GALNT14: variants seen among roughly 807,000 people sequenced by gnomAD.
GALNT14 encodes the protein polypeptide N-acetylgalactosaminyltransferase 14.
In GALNT14, 60 loss-of-function variants were observed where a neutral mutation model predicts 77.5. The observed-to-expected ratio is 0.77, with a 90% confidence interval of 0.63 to 0.96. The LOEUF (loss-of-function observed/expected upper bound fraction) is 0.96, where lower values mean the gene tolerates loss of function less well. Among genes scored for constraint, GALNT14 ranks in the 40% least tolerant of loss-of-function variants. The pLI is 0.00. For synonymous variants in GALNT14, 280 were observed against 281.7 expected (o/e 0.99, Z 0.06); for missense variants, 710 against 731.0 (o/e 0.97, Z 0.33).
chr2:31,004,769 C>T (rs1670565273), intron 1 of GALNT14, among the ~76,000 whole-genome samples: 1 of 152,178 alleles, frequency 6.6e-6, no homozygotes, highest in African/African-American at 2.4e-5. Context: ...GCTCTCCCTC[C>T]AAAAGCCAGG....
intron 1 of GALNT14, among the ~76,000 whole-genome samples, chr2:31,110,246 C>T (rs548503069): frequency 6.6e-6 from 1 of 152,278 alleles, no homozygotes; most frequent in African/African-American, 2.4e-5. Context: ...AGAGAGCACA[C>T]AGCTTCCTCC....
chr2:30,922,765 C>T (rs1217167622), intron 13 of GALNT14, among the ~76,000 whole-genome samples: 1 of 152,240 alleles, frequency 6.6e-6, no homozygotes, highest in Non-Finnish European at 1.5e-5. Context: ...CTTATTTTTA[C>T]ATTAGGCCCT....
intron 1 of GALNT14, among the ~76,000 whole-genome samples, chr2:31,102,832 T>C (rs1677345792): frequency 1.3e-5 from 2 of 152,168 alleles, no homozygotes; most frequent in Non-Finnish European, 1.5e-5. Flanking sequence ...TTTTTTTCAT[T>C]GTGATATGTA....
In GALNT14 at chr2:30,943,212, A is replaced by G. The variant is rs892110973; in HGVS notation, c.828-908T>C. ...CCCTAGCAAACTCACACACCCTCAT[A>G]TTTTTTTCCTTTTCTTCGTCCCAGT... On this transcript the variant is annotated intron_variant, in intron 8 of 14. Coordinates refer to ENST00000349752, the MANE Select transcript of GALNT14 (RefSeq NM_024572.4). Among the ~76,000 whole-genome samples the G allele has an allele frequency of 7.2e-5, 11 of 152,004 alleles. 1 individual carries two copies. Among genetic ancestry groups the G allele is most frequent in the Admixed American group, 6.6e-4 (10 of 15,264 alleles).
intron 3 of GALNT14, among the ~76,000 whole-genome samples, chr2:30,965,428 G>A (rs1211701984): frequency 6.7e-6 from 1 of 150,296 alleles, no homozygotes; most frequent in African/African-American, 2.4e-5. Flanking sequence ...AGGGAGAAGA[G>A]GACAGATGAC....
At chr2:30,903,644 T>C in the GALNT14 span, among the ~76,000 whole-genome samples, 1 of 152,202 alleles carries the variant, frequency 6.6e-6, no homozygotes, top group Non-Finnish European at 1.5e-5. Flanking sequence ...ACTGTGACCC[T>C]GGCCAACGCT....
intron 1 of GALNT14, among the ~76,000 whole-genome samples, chr2:31,118,322 A>T (rs1678219682): frequency 1.3e-5 from 2 of 152,232 alleles, no homozygotes; most frequent in Non-Finnish European, 2.9e-5. Context: ...GTACCAAAAA[A>T]AACTATAAAC....
At chr2:31,062,572 T>C (rs184360212) in intron 1 of GALNT14, among the ~76,000 whole-genome samples, 109 of 152,358 alleles carry the variant, frequency 7.2e-4, no homozygotes, top group African/African-American at 2.6e-3. Flanking sequence ...TTTGGGTATA[T>C]ACCCAGTAAA....
chr2:31,123,139 A>C (rs935301061), intron 1 of GALNT14, among the ~76,000 whole-genome samples: 16 of 135,830 alleles, frequency 1.2e-4, no homozygotes, highest in African/African-American at 2.2e-4. Flanking sequence ...CCGAGGTGGC[A>C]CCACTGCACT....
intron 1 of GALNT14, among the ~76,000 whole-genome samples, chr2:31,128,254 G>A (rs1373048851): frequency 6.6e-6 from 1 of 152,012 alleles, no homozygotes; most frequent in East Asian, 1.9e-4. Flanking sequence ...ACAGAACTGA[G>A]GAGTTGTCCA....
At chr2:30,945,070 G>A in intron 7 of GALNT14, 128 bp from the exon 8 acceptor site, 1 of 687,180 alleles carries the variant, frequency 1.5e-6, no homozygotes, top group Non-Finnish European at 2.3e-6. Context: ...CGGTCCCTGG[G>A]ATTGCAGGTT....
intron 3 of GALNT14, among the ~76,000 whole-genome samples, chr2:30,963,896 G>T (rs1021661823): frequency 6.6e-6 from 1 of 152,184 alleles, no homozygotes; most frequent in Non-Finnish European, 1.5e-5. Context: ...CACTAAGTAC[G>T]ATTAGTATTC....
intron 1 of GALNT14, among the ~76,000 whole-genome samples, chr2:31,023,167 AAAAAC>A (rs141944121): frequency 4.0e-4 from 25 of 61,846 alleles, no homozygotes; most frequent in African/African-American, 9.7e-4. Context: ...AAACAAAAAC[AAAAAC>A]AAAAACAAAA....
chr2:31,073,212 G>C (rs770162169), intron 1 of GALNT14: 1 of 152,148 alleles, frequency 6.6e-6, no homozygotes, highest in Non-Finnish European at 1.5e-5. Context: ...CTCACTCTGT[G>C]GGATTTTTGT....
chr2:30,895,021 C>T, the GALNT14 span, among the ~76,000 whole-genome samples: 17 of 152,326 alleles, frequency 1.1e-4, 1 homozygote, highest in East Asian at 1.4e-3. Flanking sequence ...CATGACCCCA[C>T]AGAAAGAGTT....
chr2:31,126,600 T>C (rs937141957), intron 1 of GALNT14: 8 of 152,244 alleles, frequency 5.3e-5, no homozygotes, highest in African/African-American at 1.9e-4. Context: ...TTCTTCTGGA[T>C]GCAGAAACAA....
At chr2:31,060,347 C>T (rs1363749839) in intron 1 of GALNT14, among the ~76,000 whole-genome samples, 1 of 152,174 alleles carries the variant, frequency 6.6e-6, no homozygotes, top group Non-Finnish European at 1.5e-5. Flanking sequence ...CACAAGCCTA[C>T]CACCAAGGAC....
At chr2:31,078,314 G>A (rs1230386793) in intron 1 of GALNT14, among the ~76,000 whole-genome samples, 5 of 152,240 alleles carry the variant, frequency 3.3e-5, no homozygotes, top group African/African-American at 9.6e-5. Context: ...TAGCAAGGCT[G>A]TGAAAATGTT....
At position 31,032,748 on chromosome 2, in the gene GALNT14, G is replaced by A. The variant is rs573271134; in HGVS notation, c.130-39741C>T. 3.1e-4 allele frequency among the ~76,000 whole-genome samples: 47 copies of A among 152,262 alleles called. No individual in the cohort carries two copies. In the South Asian group the frequency reaches 8.5e-3, roughly 28 times the overall value. On this transcript the variant is annotated intron_variant, in intron 1 of 14. Transcript: ENST00000349752. ...TTGCTGAGCGATCAAGGTCAACTGC[G>A]CAGTACTGCTGAGTGATCACGGGTC...
Sources: gnomAD v4.1 joint callset for allele counts (sites outside exome capture counted in the v4.1 genomes callset) on GRCh38, gnomAD v4.1.1 for gene constraint, MANE v1.5 for transcripts, NCBI Gene and HGNC (gene_info 2026-07-23, HGNC 2026-07-21) for gene names.